TRHDE: variants seen among roughly 807,000 people sequenced by gnomAD.
TRHDE encodes the protein thyrotropin releasing hormone degrading enzyme.
In TRHDE, 72 loss-of-function variants were observed where a neutral mutation model predicts 125.7. That is an observed-to-expected ratio of 0.57 (90% CI 0.47 to 0.70). TRHDE has a LOEUF of 0.70. Ranked by LOEUF, TRHDE falls within the 30% of genes least tolerant of loss-of-function variation. The pLI, the probability that TRHDE is intolerant of heterozygous loss-of-function variation, is 0.00. For synonymous variants in TRHDE, 509 were observed against 509.1 expected, an observed-to-expected ratio of 1.00 and a Z score of 0.00; for missense variants, 1,110 against 1,327.1, an observed-to-expected ratio of 0.84 and a Z score of 2.54.
chr12:72,325,112 C>T lies in TRHDE; in HGVS notation c.1188+38158C>T, dbSNP rs114308266. Among the ~76,000 whole-genome samples, 775 of 151,856 alleles carry T rather than the reference C, an allele frequency of 5.1e-3. 4 individuals carry two copies. Among genetic ancestry groups the T allele is most frequent in the African/African-American group, 0.017 (687 of 41,444 alleles). On this transcript the variant is annotated intron_variant, in intron 2 of 18. Coordinates refer to ENST00000261180, the MANE Select transcript of TRHDE (RefSeq NM_013381.3). Reference sequence around the variant, plus strand: ...AAAAAAAGAAAAGCAGAATGAAACTCGGTGGAACTCTTTTGACAAAAACAT... The same window carrying T: ...AAAAAAAGAAAAGCAGAATGAAACTTGGTGGAACTCTTTTGACAAAAACAT...
chr12:72,525,171 A>G (rs923701749), intron 6 of TRHDE, among the ~76,000 whole-genome samples: 16 of 152,126 alleles, frequency 1.1e-4, no homozygotes, highest in Admixed American at 9.8e-4. Context: ...ACAAAAGTGT[A>G]CTCTTATTTA....
At chr12:72,512,350 AAGTT>A (rs895208731) in intron 6 of TRHDE, among the ~76,000 whole-genome samples, 18 of 147,690 alleles carry the variant, frequency 1.2e-4, no homozygotes, top group Admixed American at 2.8e-4. Context: ...GAAAAATAAA[AAGTT>A]AGTATTTCAG....
intron 12 of TRHDE, among the ~76,000 whole-genome samples, chr12:72,591,249 T>C (rs976705043): frequency 4.6e-5 from 7 of 152,204 alleles, no homozygotes; most frequent in African/African-American, 1.7e-4. Context: ...CAAGATGAGA[T>C]TTGGGTGTGG....
intron 3 of TRHDE, among the ~76,000 whole-genome samples, chr12:72,388,880 A>T (rs1032393856): frequency 1.3e-5 from 2 of 151,220 alleles, no homozygotes; most frequent in Non-Finnish European, 2.9e-5. Flanking sequence ...TGAAATAAGT[A>T]TCTAGTTGCC....
intron 12 of TRHDE, among the ~76,000 whole-genome samples, chr12:72,580,638 A>G (rs1000741791): frequency 6.6e-6 from 1 of 152,144 alleles, no homozygotes; most frequent in African/African-American, 2.4e-5. Flanking sequence ...ACAGGGTTTC[A>G]CCACGTTGGT....
At chr12:72,613,629 GT>G (rs950761425) in intron 12 of TRHDE, among the ~76,000 whole-genome samples, 2 of 152,186 alleles carry the variant, frequency 1.3e-5, no homozygotes, top group African/African-American at 4.8e-5. Flanking sequence ...AGGCCAGTGA[GT>G]TAGATAATGC....
intron 2 of TRHDE, among the ~76,000 whole-genome samples, chr12:72,357,386 C>T (rs1870871604): frequency 6.6e-6 from 1 of 151,496 alleles, no homozygotes; most frequent in African/African-American, 2.4e-5. Flanking sequence ...CCTACCTCAA[C>T]CCTGGTAACC....
intron 2 of TRHDE, among the ~76,000 whole-genome samples, chr12:72,212,546 A>C (rs1441653423): frequency 6.6e-6 from 1 of 152,146 alleles, no homozygotes; most frequent in Non-Finnish European, 1.5e-5. Flanking sequence ...AAAATGGGTA[A>C]AGTGTTAGAC....
rs1476924942 is a variant in TRHDE, at chr12:72,665,475, T to C, written c.*2280T>C. 6.6e-6 allele frequency: 1 copy of C among 152,526 alleles called. No individual in the cohort carries two copies. The highest frequency in any genetic ancestry group is 1.5e-5 in the Non-Finnish European group (1 of 67,976). 9.4% of individuals were successfully genotyped at this position (152,526 alleles called of 1,614,324 possible). ...CAATGGCATTAAGATGGTGTTTTTG[T>C]TCTACATATTTTTCAATAATTTATT... On this transcript the variant is annotated 3_prime_UTR_variant, in exon 19 of 19. Transcript: ENST00000261180.
At chr12:72,117,719 T>C (rs1875480838) in intron 2 of TRHDE, among the ~76,000 whole-genome samples, 1 of 152,166 alleles carries the variant, frequency 6.6e-6, no homozygotes, top group Non-Finnish European at 1.5e-5. Flanking sequence ...ACATGAACTA[T>C]CATTTCATTT....
intron 6 of TRHDE, among the ~76,000 whole-genome samples, chr12:72,520,059 A>C (rs1368864786): frequency 1.3e-5 from 2 of 152,200 alleles, no homozygotes; most frequent in Non-Finnish European, 2.9e-5. Flanking sequence ...TCAGACAGGG[A>C]CACTTAAGTC....
intron 2 of TRHDE, among the ~76,000 whole-genome samples, chr12:72,310,304 A>T (rs961090099): frequency 1.3e-5 from 2 of 152,242 alleles, no homozygotes; most frequent in African/African-American, 4.8e-5. Flanking sequence ...TTGTATTATT[A>T]TAAGTCGGTA....
At chr12:72,250,489 C>T (rs1592499918) in intron 2 of TRHDE, among the ~76,000 whole-genome samples, 1 of 152,040 alleles carries the variant, frequency 6.6e-6, no homozygotes, top group Non-Finnish European at 1.5e-5. Flanking sequence ...TTGGAATAGG[C>T]TGAAAGATCT....
At chr12:72,652,801 A>G (rs1874557731) in intron 16 of TRHDE, among the ~76,000 whole-genome samples, 1 of 151,772 alleles carries the variant, frequency 6.6e-6, no homozygotes, top group Non-Finnish European at 1.5e-5. Context: ...CTTTCACAAG[A>G]TTTTTTTAGA....
intron 2 of TRHDE, among the ~76,000 whole-genome samples, chr12:72,265,108 ATGT>A (rs1879036125): frequency 6.6e-6 from 1 of 151,562 alleles, no homozygotes; most frequent in South Asian, 2.1e-4. Flanking sequence ...CTAGTGCTTA[ATGT>A]TGTTAATACA....
intron 15 of TRHDE, among the ~76,000 whole-genome samples, chr12:72,625,370 A>G (rs1000415152): frequency 2.0e-5 from 3 of 151,882 alleles, no homozygotes; most frequent in African/African-American, 7.2e-5. Context: ...TATCTTCACT[A>G]TACTTAAAAA....
chr12:72,575,261 A>G lies in TRHDE; in HGVS notation c.2138A>G (p.His713Arg), dbSNP rs762130034. Residue 713 changes from histidine to arginine, a missense_variant, in exon 11 of 19, where the codon CAC becomes CGC. His to Arg is a conservative substitution (Grantham distance 29). Coordinates refer to ENST00000261180, the MANE Select transcript of TRHDE (RefSeq NM_013381.3). ...CCAAAAATGCTTTTTTCAGAGCACC[A>G]CAGAATAACTTATTTGGACAAAGGA... is the stretch of plus-strand genomic sequence containing the variant. ...IIWVSNKSEH[H>R]RITYLDKGSW... 2 of 1,613,098 alleles carry G rather than the reference A, an allele frequency of 1.2e-6. No individual in the cohort carries two copies. Among genetic ancestry groups the G allele is most frequent in the South Asian group, 1.1e-5 (1 of 91,048 alleles).
chr12:72,314,989 A>G (rs1015173755), intron 2 of TRHDE, among the ~76,000 whole-genome samples: 21 of 152,230 alleles, frequency 1.4e-4, no homozygotes, highest in Non-Finnish European at 4.4e-5. Flanking sequence ...TTGCAAATTT[A>G]CCAAATTAAC....
intron 6 of TRHDE, among the ~76,000 whole-genome samples, chr12:72,506,000 C>A (rs186272708): frequency 6.6e-6 from 1 of 152,264 alleles, no homozygotes; most frequent in African/African-American, 2.4e-5. Flanking sequence ...TGATGCCTTT[C>A]TTCAACAATG....
Sources: allele counts gnomAD v4.1 joint callset (sites outside exome capture counted in the v4.1 genomes callset), GRCh38; gene constraint gnomAD v4.1.1; transcripts MANE v1.5; gene names NCBI Gene and HGNC (gene_info 2026-07-23, HGNC 2026-07-21).